STXBP4: variants seen among roughly 807,000 people sequenced by gnomAD.
STXBP4 encodes the protein syntaxin binding protein 4.
In STXBP4, 55 loss-of-function variants were observed where a neutral mutation model predicts 76.1. The ratio of observed to expected loss-of-function variants is 0.72; its 90% CI spans 0.58 to 0.91. The LOEUF (loss-of-function observed/expected upper bound fraction) is 0.91. Ranked by LOEUF, STXBP4 falls within the 40% of genes least tolerant of loss-of-function variation. STXBP4 has a pLI of 0.00. For missense variants in STXBP4, 618 were observed against 636.9 expected (o/e 0.97, Z 0.32); for synonymous variants, 201 against 220.2 (o/e 0.91, Z 0.77).
the STXBP4 span, among the ~76,000 whole-genome samples, chr17:55,203,836 G>T: frequency 6.6e-6 from 1 of 151,960 alleles, no homozygotes; most frequent in East Asian, 1.9e-4. Flanking sequence ...TGCCTTTGAA[G>T]GTGATCTTTT....
intron 1 of STXBP4, among the ~76,000 whole-genome samples, chr17:54,973,276 C>T (rs925024210): frequency 6.6e-6 from 1 of 152,176 alleles, no homozygotes; most frequent in Non-Finnish European, 1.5e-5. Flanking sequence ...ATTTTTACTG[C>T]GTCTTGTAGA....
the STXBP4 span, among the ~76,000 whole-genome samples, chr17:55,187,951 A>T: frequency 6.6e-6 from 1 of 152,248 alleles, no homozygotes; most frequent in South Asian, 2.1e-4. Context: ...GCTATGCCGA[A>T]CTCTACATGC....
At chr17:55,029,083 G>A (rs1336339649) in intron 8 of STXBP4, among the ~76,000 whole-genome samples, 1 of 151,648 alleles carries the variant, frequency 6.6e-6, no homozygotes, top group Non-Finnish European at 1.5e-5. Context: ...AGTTATAAAA[G>A]CCTGTTAATC....
At chr17:55,095,622 T>C (rs889383531) in intron 16 of STXBP4, among the ~76,000 whole-genome samples, 2 of 152,214 alleles carry the variant, frequency 1.3e-5, no homozygotes, top group Admixed American at 1.3e-4. Context: ...AATATTACTG[T>C]TGCAGGTAAT....
intron 1 of STXBP4, among the ~76,000 whole-genome samples, chr17:54,984,734 A>G (rs945585157): frequency 6.6e-6 from 1 of 152,118 alleles, no homozygotes; most frequent in Non-Finnish European, 1.5e-5. Flanking sequence ...GTGCTGATAT[A>G]TTGATTCTCC....
At chr17:55,000,713 C>T in intron 6 of STXBP4, 95 bp from the exon 7 acceptor site, 1 of 869,280 alleles carries the variant, frequency 1.2e-6, no homozygotes, top group East Asian at 2.5e-5. Flanking sequence ...GGGATAATTA[C>T]TTTAATCTCT....
At chr17:54,971,423 C>T (rs1479141612) in intron 1 of STXBP4, among the ~76,000 whole-genome samples, 1 of 152,164 alleles carries the variant, frequency 6.6e-6, no homozygotes, top group Non-Finnish European at 1.5e-5. Flanking sequence ...TGACATCTAC[C>T]ATCTTGCTGT....
At chr17:55,069,766 T>TATA (rs2079099582) in intron 12 of STXBP4, among the ~76,000 whole-genome samples, 1 of 152,198 alleles carries the variant, frequency 6.6e-6, no homozygotes, top group African/African-American at 2.4e-5. Flanking sequence ...ATAATGGCTA[T>TATA]ATAAATTCCA....
the STXBP4 span, among the ~76,000 whole-genome samples, chr17:55,179,934 T>C: frequency 6.6e-6 from 1 of 152,146 alleles, no homozygotes; most frequent in African/African-American, 2.4e-5. Flanking sequence ...GGGTCAACTG[T>C]ATATATCTAT....
intron 7 of STXBP4, among the ~76,000 whole-genome samples, chr17:55,006,487 G>C (rs1567714671): frequency 6.6e-6 from 1 of 152,152 alleles, no homozygotes; most frequent in Non-Finnish European, 1.5e-5. Context: ...AATTTAGATA[G>C]TAAGATCAAT....
At chr17:55,145,619 G>C (rs1330356949) in intron 17 of STXBP4, among the ~76,000 whole-genome samples, 1 of 152,136 alleles carries the variant, frequency 6.6e-6, no homozygotes, top group Admixed American at 6.5e-5. Context: ...CTTAAATTCT[G>C]ATGCAAGAGA....
At chr17:55,037,623 A>G (rs914760850) in intron 10 of STXBP4, among the ~76,000 whole-genome samples, 1 of 152,284 alleles carries the variant, frequency 6.6e-6, no homozygotes, top group South Asian at 2.1e-4. Context: ...TTGTGGCTTC[A>G]GATCAAAATG....
intron 16 of STXBP4, among the ~76,000 whole-genome samples, chr17:55,130,901 A>G (rs982856822): frequency 6.6e-6 from 1 of 152,140 alleles, no homozygotes; most frequent in Non-Finnish European, 1.5e-5. Flanking sequence ...ACATCCATTC[A>G]TCTGTTGATG....
intron 16 of STXBP4, among the ~76,000 whole-genome samples, chr17:55,110,266 T>C (rs2079696281): frequency 6.6e-6 from 1 of 152,258 alleles, no homozygotes; most frequent in African/African-American, 2.4e-5. Flanking sequence ...TAATCTATTC[T>C]TAAGTCAACT....
downstream of STXBP4, among the ~76,000 whole-genome samples, chr17:55,174,993 C>T (rs1010113731): frequency 1.3e-5 from 2 of 151,960 alleles, no homozygotes; most frequent in African/African-American, 4.8e-5. Flanking sequence ...CACTGCACTT[C>T]AGCCTGCGAC....
intron 16 of STXBP4, among the ~76,000 whole-genome samples, chr17:55,096,793 A>G (rs941257365): frequency 2.0e-5 from 3 of 152,320 alleles, no homozygotes; most frequent in Middle Eastern, 6.8e-3. Flanking sequence ...AAAGACCTTA[A>G]AACTGGGGAT....
chr17:55,188,122 T>A, the STXBP4 span, among the ~76,000 whole-genome samples: 1 of 152,232 alleles, frequency 6.6e-6, no homozygotes, highest in African/African-American at 2.4e-5. Flanking sequence ...CCATTGAAGA[T>A]AATCTATTGC....
chr17:55,030,828 G>A (rs1207817690), intron 8 of STXBP4: 2 of 184,152 alleles, frequency 1.1e-5, no homozygotes, highest in African/African-American at 4.7e-5. Flanking sequence ...ATGTTTTAGA[G>A]TGTCACTTGT....
At chr17:55,019,773 G>A (rs1203972920) in intron 8 of STXBP4, among the ~76,000 whole-genome samples, 1 of 152,038 alleles carries the variant, frequency 6.6e-6, no homozygotes, top group East Asian at 1.9e-4. Flanking sequence ...TTTTGAAAGA[G>A]AATTTTATTG....
Sources: gnomAD v4.1 joint callset for allele counts (sites outside exome capture counted in the v4.1 genomes callset) on GRCh38, gnomAD v4.1.1 for gene constraint, MANE v1.5 for transcripts, NCBI Gene and HGNC (gene_info 2026-07-23, HGNC 2026-07-21) for gene names.